The following DPRX variants were observed in gnomAD, a reference collection of about 807,000 sequenced individuals.
DPRX encodes divergent paired-related homeobox.
Under a neutral mutation model 8.4 loss-of-function variants are expected in DPRX, and 11 were observed. That is an observed-to-expected ratio of 1.31 (90% CI 0.82 to 2.17). The LOEUF is 2.17. DPRX is among the 30% of genes most tolerant of loss of function. The pLI, the probability that DPRX is intolerant of heterozygous loss-of-function variation, is 0.00. For synonymous variants in DPRX, 72 were observed against 87.0 expected, an observed-to-expected ratio of 0.83 and a Z score of 0.96; for missense variants, 211 against 236.7, an observed-to-expected ratio of 0.89 and a Z score of 0.71.
At chr19:53,607,747 TG>T in the DPRX span, among the ~76,000 whole-genome samples, 1 of 149,310 alleles carries the variant, frequency 6.7e-6, no homozygotes, top group African/African-American at 2.5e-5. Flanking sequence ...TAATCCCAGG[TG>T]GCTGAAGCAG....
upstream of DPRX, among the ~76,000 whole-genome samples, chr19:53,628,562 C>T (rs978907312): frequency 3.3e-5 from 5 of 151,864 alleles, no homozygotes; most frequent in Non-Finnish European, 5.9e-5. Flanking sequence ...GTGCAACCAC[C>T]ACCTCTAGGT....
At chr19:53,636,730 A>G (rs374419575) in exon 3 of DPRX, 1 of 1,614,182 alleles carries the variant, frequency 6.2e-7, no homozygotes, top group Non-Finnish European at 8.5e-7. Flanking sequence ...ATGCAGACAC[A>G]CTACCCAGAT....
chr19:53,619,396 C>T, the DPRX span, among the ~76,000 whole-genome samples: 4 of 151,846 alleles, frequency 2.6e-5, no homozygotes, highest in Admixed American at 2.0e-4. Context: ...GAAAACAGGC[C>T]GGGTGCGGTG....
At chr19:53,605,170 G>A in the DPRX span, among the ~76,000 whole-genome samples, 1 of 152,090 alleles carries the variant, frequency 6.6e-6, no homozygotes. Flanking sequence ...TTAGCCAGGT[G>A]TGGTGCCACT....
At chr19:53,603,635 G>A in the DPRX span, 25 of 246,546 alleles carry the variant, frequency 1.0e-4, no homozygotes, top group Non-Finnish European at 1.6e-4. Context: ...TAGCTCCCAC[G>A]TATCTGAGGT....
At chr19:53,629,991 G>C (rs1450276250), upstream of DPRX, 1 of 151,830 alleles carries the variant, frequency 6.6e-6, no homozygotes. Flanking sequence ...TGGATCACCT[G>C]AGGTCAGGAG....
chr19:53,601,916 G>A, the DPRX span: 2 of 406,972 alleles, frequency 4.9e-6, no homozygotes, highest in Non-Finnish European at 9.8e-6. Context: ...TTTTACCCCT[G>A]GTCCCGTAGA....
the DPRX span, among the ~76,000 whole-genome samples, chr19:53,622,995 T>C: frequency 1.6e-4 from 24 of 152,228 alleles, no homozygotes; most frequent in African/African-American, 4.6e-4. Flanking sequence ...GCTGACACTT[T>C]AGTTGAGCCC....
the DPRX span, among the ~76,000 whole-genome samples, chr19:53,617,942 A>G: frequency 2.0e-5 from 3 of 152,060 alleles, no homozygotes; most frequent in South Asian, 2.1e-4. Flanking sequence ...GTTCCAGACC[A>G]GCCTGGCCAC....
chr19:53,603,426 C>T, the DPRX span: 1 of 456,404 alleles, frequency 2.2e-6, no homozygotes, highest in Non-Finnish European at 4.4e-6. Flanking sequence ...GCTCCACAGA[C>T]TCGCCGGAGT....
chr19:53,610,428 T>G, the DPRX span, among the ~76,000 whole-genome samples: 1 of 152,196 alleles, frequency 6.6e-6, no homozygotes, highest in African/African-American at 2.4e-5. Flanking sequence ...TGTATCAAAA[T>G]ATCACGTGCC....
exon 3 of DPRX, chr19:53,636,970 C>A: frequency 6.2e-7 from 1 of 1,604,422 alleles, no homozygotes; most frequent in Non-Finnish European, 8.5e-7. Context: ...GTTCATCTAA[C>A]CAAAGTCGAG....
the DPRX span, among the ~76,000 whole-genome samples, chr19:53,605,677 T>G: frequency 6.6e-6 from 1 of 151,976 alleles, no homozygotes; most frequent in African/African-American, 2.4e-5. Context: ...TATTTTATTT[T>G]ATTTTGAGAC....
chr19:53,617,282 G>C, the DPRX span: 1 of 709,030 alleles, frequency 1.4e-6, no homozygotes. Context: ...AATCAGGCTG[G>C]GTGCAGTGGC....
the DPRX span, among the ~76,000 whole-genome samples, chr19:53,615,041 G>C: frequency 6.6e-6 from 1 of 151,660 alleles, no homozygotes; most frequent in African/African-American, 2.4e-5. Context: ...AATTTACTTT[G>C]TTCTGTTGAT....
the DPRX span, among the ~76,000 whole-genome samples, chr19:53,611,969 A>C: frequency 2.6e-5 from 4 of 152,076 alleles, no homozygotes; most frequent in African/African-American, 9.7e-5. Context: ...CTGTAATCCC[A>C]GCTACTCGGG....
At chr19:53,602,526 AT>A in the DPRX span, among the ~76,000 whole-genome samples, 3 of 146,066 alleles carry the variant, frequency 2.1e-5, no homozygotes, top group East Asian at 5.9e-4. Flanking sequence ...CACCCAGCTA[AT>A]TTTTTGTATT....
At chr19:53,627,443 T>TTC, upstream of DPRX, among the ~76,000 whole-genome samples, 1 of 148,958 alleles carries the variant, frequency 6.7e-6, no homozygotes, top group East Asian at 2.0e-4. Context: ...TTCTTTCTTT[T>TTC]TTTTTTTTTT....
the DPRX span, among the ~76,000 whole-genome samples, chr19:53,602,899 ACTC>A: frequency 6.6e-6 from 1 of 150,878 alleles, no homozygotes; most frequent in Non-Finnish European, 1.5e-5. Flanking sequence ...GCTGGTCTCA[ACTC>A]CTCACCTCAA....
Sources: gnomAD v4.1 joint callset for allele counts (sites outside exome capture counted in the v4.1 genomes callset) on GRCh38, gnomAD v4.1.1 for gene constraint, MANE v1.5 for transcripts, NCBI Gene and HGNC (gene_info 2026-07-23, HGNC 2026-07-21) for gene names.